The following IRAK1BP1 variants were observed in gnomAD, a reference collection of about 807,000 sequenced individuals.
IRAK1BP1 encodes interleukin-1 receptor-associated kinase 1-binding protein 1.
In IRAK1BP1, 24 loss-of-function variants were observed where a neutral mutation model predicts 28.0. That is an observed-to-expected ratio of 0.86 (90% CI 0.62 to 1.20). The LOEUF is 1.20. Ranked by LOEUF, IRAK1BP1 falls within the 50% of genes most tolerant of loss-of-function variation. The pLI, the probability that IRAK1BP1 is intolerant of heterozygous loss-of-function variation, is 0.00. For synonymous variants in IRAK1BP1, 131 were observed against 116.3 expected (o/e 1.13, Z -0.81); for missense variants, 336 against 316.7 (o/e 1.06, Z -0.46).
the IRAK1BP1 span, chr6:78,970,812 T>C: frequency 2.2e-5 from 35 of 1,610,580 alleles, no homozygotes; most frequent in African/African-American, 4.0e-5. Context: ...TGGTTGTTTT[T>C]TGGGATTGAT....
chr6:78,893,137 ATAAATCT>A (rs1771724719), intron 2 of IRAK1BP1, among the ~76,000 whole-genome samples: 1 of 151,820 alleles, frequency 6.6e-6, no homozygotes, highest in African/African-American at 2.4e-5. Context: ...AAAACCAGTG[ATAAATCT>A]TAAAACAGCC....
At chr6:78,908,661 G>T (rs746295845) in intron 4 of IRAK1BP1, among the ~76,000 whole-genome samples, 1 of 152,204 alleles carries the variant, frequency 6.6e-6, no homozygotes, top group Non-Finnish European at 1.5e-5. Context: ...TCATTGGTCA[G>T]TGTTCAATAG....
intron 1 of IRAK1BP1, among the ~76,000 whole-genome samples, chr6:78,879,575 G>T (rs1771146412): frequency 6.6e-6 from 1 of 152,086 alleles, no homozygotes; most frequent in Non-Finnish European, 1.5e-5. Flanking sequence ...TTCAAAATTG[G>T]TCAATATTGA....
intron 1 of IRAK1BP1, 78 bp downstream of exon 1, chr6:78,867,969 C>G (rs188400110): frequency 6.3e-5 from 89 of 1,412,098 alleles, no homozygotes; most frequent in African/African-American, 1.6e-4. Context: ...CACAGGCCCC[C>G]CTAGCGGGAA....
At chr6:78,977,140 T>C in the IRAK1BP1 span, among the ~76,000 whole-genome samples, 18 of 145,558 alleles carry the variant, frequency 1.2e-4, no homozygotes, top group African/African-American at 4.1e-4. Context: ...TGTCCAACAA[T>C]GATAGACTGG....
the IRAK1BP1 span, chr6:78,958,359 T>C: frequency 1.5e-6 from 1 of 655,352 alleles, no homozygotes; most frequent in Non-Finnish European, 2.6e-6. Context: ...AGCTGAGCTA[T>C]TTTGGCTACT....
At chr6:78,969,523 T>G in the IRAK1BP1 span, among the ~76,000 whole-genome samples, 2 of 152,216 alleles carry the variant, frequency 1.3e-5, no homozygotes, top group African/African-American at 4.8e-5. Context: ...TACATCTTGT[T>G]AAGCTTCTTT....
At chr6:78,913,094 G>A (rs1772470057) in intron 4 of IRAK1BP1, among the ~76,000 whole-genome samples, 1 of 152,110 alleles carries the variant, frequency 6.6e-6, no homozygotes, top group Admixed American at 6.5e-5. Context: ...CCAGCACTTT[G>A]GGAGGCCAAA....
chr6:78,960,346 C>T, the IRAK1BP1 span, among the ~76,000 whole-genome samples: 1 of 152,090 alleles, frequency 6.6e-6, no homozygotes, highest in Admixed American at 6.6e-5. Context: ...TTCTTTCCTT[C>T]TCATCCACCC....
downstream of IRAK1BP1, among the ~76,000 whole-genome samples, chr6:78,907,202 A>T (rs1052420016): frequency 1.3e-5 from 2 of 152,212 alleles, no homozygotes; most frequent in Non-Finnish European, 2.9e-5. Flanking sequence ...ATTTACCCTT[A>T]AAATGCTAGG....
intron 4 of IRAK1BP1, among the ~76,000 whole-genome samples, chr6:78,910,118 G>A (rs1772364831): frequency 6.6e-6 from 1 of 152,126 alleles, no homozygotes; most frequent in Non-Finnish European, 1.5e-5. Flanking sequence ...CTGTAATGGA[G>A]AGAAACTGGA....
Position 78,942,965 on chromosome 6 carries a change from T to C in IRAK1BP1, c.*68-2443T>C, listed in dbSNP as rs181551909. Among the ~76,000 whole-genome samples the C allele has an allele frequency of 8.5e-5, 13 of 152,310 alleles. No individual in the cohort carries two copies. In the East Asian group the frequency reaches 1.7e-3, roughly 20 times the overall value. The stretch of plus-strand genomic sequence containing the variant: ...TTTTTTAAAAAAGTTTAAAAACCAC[T>C]GATATTGAACGGTGTTGTCCTGGGC... On this transcript the variant is annotated intron_variant and NMD_transcript_variant, in intron 4 of 4. Transcript: ENST00000606868.
At position 78,898,428 on chromosome 6, in the gene IRAK1BP1, A is replaced by AG. The variant is rs1771979559; in HGVS notation, c.*94_*95insG. The AG allele has an allele frequency of 6.2e-6, 1 of 162,356 alleles. No homozygotes were observed. Among genetic ancestry groups the AG allele is most frequent in the Admixed American group, 7.0e-5 (1 of 14,228 alleles). 10.1% of individuals were successfully genotyped at this position (162,356 alleles called of 1,614,324 possible). On this transcript the variant is annotated 3_prime_UTR_variant, in exon 4 of 4. Transcript: ENST00000369940. ...TTGTCCTGAATATATATATATATAT[A>AG]TATATATATATATATATGGTATAGG...
intron 4 of IRAK1BP1, among the ~76,000 whole-genome samples, chr6:78,929,589 C>A (rs1772986510): frequency 6.6e-6 from 1 of 152,130 alleles, no homozygotes; most frequent in Admixed American, 6.6e-5. Context: ...GGGTACTATG[C>A]TTGGTACCTG....
At chr6:78,964,667 A>G in the IRAK1BP1 span, among the ~76,000 whole-genome samples, 14 of 152,058 alleles carry the variant, frequency 9.2e-5, no homozygotes, top group African/African-American at 3.4e-4. Flanking sequence ...TAATTTTTGT[A>G]TTTTTAGTTG....
intron 1 of IRAK1BP1, 73 bp downstream of exon 1, chr6:78,867,964 G>T: frequency 7.0e-7 from 1 of 1,433,252 alleles, no homozygotes; most frequent in African/African-American, 1.4e-5. Context: ...GGCCCCACAG[G>T]CCCCCCTAGC....
chr6:78,893,310 G>GTATATATATA (rs1562085762), intron 2 of IRAK1BP1, among the ~76,000 whole-genome samples: 1 of 71,124 alleles, frequency 1.4e-5, no homozygotes, highest in Non-Finnish European at 2.8e-5. Context: ...GTGTGTGTGT[G>GTATATATATA]TGTGTATATA....
At chr6:78,922,154 G>A (rs1772752817) in intron 4 of IRAK1BP1, among the ~76,000 whole-genome samples, 1 of 152,150 alleles carries the variant, frequency 6.6e-6, no homozygotes, top group African/African-American at 2.4e-5. Flanking sequence ...TGAACCCATG[G>A]CAAAGAAGTT....
At chr6:78,955,823 T>C in the IRAK1BP1 span, 1 of 461,464 alleles carries the variant, frequency 2.2e-6, no homozygotes, top group Non-Finnish European at 3.9e-6. Context: ...ACTCCAATAA[T>C]TTATGCACAC....
Sources: allele counts gnomAD v4.1 joint callset (sites outside exome capture counted in the v4.1 genomes callset), GRCh38; gene constraint gnomAD v4.1.1; transcripts MANE v1.5; gene names NCBI Gene and HGNC (gene_info 2026-07-23, HGNC 2026-07-21).